Variants in FARS2 observed in about 807,000 individuals in gnomAD.
FARS2 encodes phenylalanyl-tRNA synthetase 2, mitochondrial, also known as phenylalanine--tRNA ligase, mitochondrial.
FARS2 carries 40 observed loss-of-function variants against 46.4 expected under a neutral mutation model. The observed-to-expected ratio is 0.86, with a 90% confidence interval of 0.67 to 1.12. The LOEUF (loss-of-function observed/expected upper bound fraction) is 1.12. Ranked by LOEUF, FARS2 falls within the 50% of genes most tolerant of loss-of-function variation. The pLI is 0.00. For missense variants in FARS2, 513 were observed against 567.9 expected (o/e 0.90, Z 0.98); for synonymous variants, 234 against 214.9 (o/e 1.09, Z -0.78).
intron 6 of FARS2, among the ~76,000 whole-genome samples, chr6:5,730,084 C>T (rs912837330): frequency 6.6e-6 from 1 of 152,202 alleles, no homozygotes. Context: ...AGGCAGCCCA[C>T]CCATTTTAAA....
At chr6:5,321,708 T>C (rs1769987962) in intron 1 of FARS2, among the ~76,000 whole-genome samples, 1 of 152,202 alleles carries the variant, frequency 6.6e-6, no homozygotes, top group Admixed American at 6.5e-5. Flanking sequence ...GCTTAAAAGA[T>C]TGTCTCTACA....
intron 6 of FARS2, among the ~76,000 whole-genome samples, chr6:5,769,557 T>C (rs182891882): frequency 6.6e-6 from 1 of 151,624 alleles, no homozygotes; most frequent in Non-Finnish European, 1.5e-5. Flanking sequence ...CCCCCAGGAG[T>C]CAGGGTCCCC....
At chr6:5,481,269 C>T (rs776132187) in intron 4 of FARS2, among the ~76,000 whole-genome samples, 7 of 152,280 alleles carry the variant, frequency 4.6e-5, no homozygotes, top group South Asian at 2.1e-4. Flanking sequence ...CAGTGCCAGG[C>T]GGACGTGTTA....
At chr6:5,295,646 C>A (rs1288889612) in intron 1 of FARS2, among the ~76,000 whole-genome samples, 2 of 151,986 alleles carry the variant, frequency 1.3e-5, no homozygotes, top group Admixed American at 6.6e-5. Context: ...ATTTTTGAGC[C>A]AAAATTATTA....
At chr6:5,589,504 G>GA (rs796346486) in intron 5 of FARS2, among the ~76,000 whole-genome samples, 3 of 152,312 alleles carry the variant, frequency 2.0e-5, no homozygotes, top group African/African-American at 7.2e-5. Context: ...AAGACAGCAA[G>GA]AACCCTGCAG....
At chr6:5,638,679 C>T (rs191863141) in intron 6 of FARS2, among the ~76,000 whole-genome samples, 5 of 152,360 alleles carry the variant, frequency 3.3e-5, no homozygotes, top group African/African-American at 1.2e-4. Flanking sequence ...AGCCTGTTCC[C>T]ATCCCCCCGG....
intron 1 of FARS2, among the ~76,000 whole-genome samples, chr6:5,288,897 A>G (rs1379930252): frequency 6.6e-6 from 1 of 152,202 alleles, no homozygotes; most frequent in Non-Finnish European, 1.5e-5. Context: ...AAAATGTTGC[A>G]AATTTTAGGG....
chr6:5,526,948 T>A (rs951287199), intron 4 of FARS2, among the ~76,000 whole-genome samples: 1 of 152,232 alleles, frequency 6.6e-6, no homozygotes, highest in Non-Finnish European at 1.5e-5. Context: ...AAGAAACAGA[T>A]AAGTATATGT....
intron 6 of FARS2, among the ~76,000 whole-genome samples, chr6:5,678,274 T>C (rs1171129621): frequency 6.6e-6 from 1 of 152,180 alleles, no homozygotes; most frequent in East Asian, 1.9e-4. Flanking sequence ...CCAAGACTAT[T>C]TTGTAGACTT....
chr6:5,721,072 A>G (rs748873301), intron 6 of FARS2, among the ~76,000 whole-genome samples: 3 of 152,216 alleles, frequency 2.0e-5, no homozygotes, highest in Non-Finnish European at 4.4e-5. Context: ...AATAAAGTTT[A>G]AATGTTTTAA....
At chr6:5,381,793 A>G (rs1329500147) in intron 2 of FARS2, among the ~76,000 whole-genome samples, 1 of 152,184 alleles carries the variant, frequency 6.6e-6, no homozygotes, top group East Asian at 1.9e-4. Context: ...GAATGATTGG[A>G]GATTGAGAAC....
intron 4 of FARS2, among the ~76,000 whole-genome samples, chr6:5,447,715 G>T (rs1325533464): frequency 1.3e-5 from 2 of 152,178 alleles, no homozygotes; most frequent in African/African-American, 4.8e-5. Flanking sequence ...GTTTATTGAG[G>T]ATAAAACAAT....
chr6:5,272,759 CTTCTATCAAGCTGTAT>C (rs1766054955), intron 1 of FARS2, among the ~76,000 whole-genome samples: 1 of 152,160 alleles, frequency 6.6e-6, no homozygotes, highest in Admixed American at 6.5e-5. Flanking sequence ...AGTCTTATCT[CTTCTATCAAGCTGTAT>C]TTTTACTTGC....
In FARS2 at chr6:5,613,242, AT is replaced by A; in HGVS notation, c.1142del (p.Phe381SerfsTer4). ...WLPSENYAEN[D>X]FYDLVRTIGG... ...CCCTCTGAGAATTACGCAGAAAATGATTTCTATGACTTAGTCCGAACAATTG... is the reference window on the plus strand; with the variant it reads ...CCCTCTGAGAATTACGCAGAAAATGATTCTATGACTTAGTCCGAACAATTG... On this transcript the variant is annotated frameshift_variant, in exon 6 of 7. Coordinates refer to ENST00000274680, the MANE Select transcript of FARS2 (RefSeq NM_006567.5). LOFTEE classifies it high-confidence loss of function. The A allele has an allele frequency of 1.2e-6, 2 of 1,613,486 alleles. No individual in the cohort carries two copies. Among genetic ancestry groups the A allele is most frequent in the Non-Finnish European group, 1.7e-6 (2 of 1,179,578 alleles).
chr6:5,267,031 A>C (rs1013102688), intron 1 of FARS2, among the ~76,000 whole-genome samples: 12 of 152,156 alleles, frequency 7.9e-5, no homozygotes, highest in Admixed American at 2.0e-4. Context: ...ATATGTTGCA[A>C]CTAGACACTC....
chr6:5,375,938 A>G (rs1407368862), intron 2 of FARS2, among the ~76,000 whole-genome samples: 1 of 152,178 alleles, frequency 6.6e-6, no homozygotes, highest in Non-Finnish European at 1.5e-5. Context: ...CTTGAACAAG[A>G]AAAATCCATA....
At position 5,569,557 on chromosome 6, in the gene FARS2, A is replaced by G. The variant is rs529307835; in HGVS notation, c.1065+24217A>G. On this transcript the variant is annotated intron_variant, in intron 5 of 6. Coordinates refer to ENST00000274680, the MANE Select transcript of FARS2 (RefSeq NM_006567.5). Reference sequence around the variant, plus strand: ...TAAAAATGTGAATTTAAACAACTTCATTGTGGTGGTGGTAGTGGTCATTGT... The same window carrying G: ...TAAAAATGTGAATTTAAACAACTTCGTTGTGGTGGTGGTAGTGGTCATTGT... Among the ~76,000 whole-genome samples, 18 of 152,206 alleles carry G rather than the reference A, an allele frequency of 1.2e-4. 1 individual carries two copies. The highest frequency in any genetic ancestry group is 3.9e-4 in the Admixed American group (6 of 15,292).
chr6:5,261,162 C>T (rs893342388), upstream of FARS2: 15 of 161,866 alleles, frequency 9.3e-5, no homozygotes, highest in East Asian at 1.9e-4. Context: ...TCACGGAGAG[C>T]CTTTGGGAAC....
intron 6 of FARS2, among the ~76,000 whole-genome samples, chr6:5,729,384 C>T (rs912704824): frequency 3.9e-5 from 6 of 152,124 alleles, no homozygotes; most frequent in Non-Finnish European, 8.8e-5. Context: ...CAGAGCCTGC[C>T]CCTGGAATGG....
Sources: gnomAD v4.1 joint callset for allele counts (sites outside exome capture counted in the v4.1 genomes callset) on GRCh38, gnomAD v4.1.1 for gene constraint, MANE v1.5 for transcripts, NCBI Gene and HGNC (gene_info 2026-07-23, HGNC 2026-07-21) for gene names.